Variants in CDKL5 observed in about 807,000 individuals in gnomAD.
CDKL5 encodes cyclin-dependent kinase-like 5.
Under a neutral mutation model 61.7 loss-of-function variants are expected in CDKL5, and 8 were observed. The ratio of observed to expected loss-of-function variants is 0.13; its 90% CI spans 0.08 to 0.23. CDKL5 has a LOEUF of 0.23. CDKL5 is among the 10% of genes least tolerant of loss of function. The pLI is 1.00. For missense variants in CDKL5, 440 were observed against 734.5 expected, an observed-to-expected ratio of 0.60 and a Z score of 4.63; for synonymous variants, 275 against 272.3, an observed-to-expected ratio of 1.01 and a Z score of -0.10.
At chrX:18,509,091 AACACACAC>A (rs34278137) in intron 2 of CDKL5, among the ~76,000 whole-genome samples, 32 of 74,872 alleles carry the variant, frequency 4.3e-4, no homozygotes, top group African/African-American at 1.4e-3. Flanking sequence ...ACTGTCTCAA[AACACACAC>A]ACACACACAC....
At chrX:18,456,474 T>C (rs1210115890) in intron 1 of CDKL5, among the ~76,000 whole-genome samples, 2 of 112,637 alleles carry the variant, frequency 1.8e-5, no homozygotes, top group African/African-American at 6.4e-5. Context: ...CAGTTGAGTA[T>C]ATTATATTCC....
intron 1 of CDKL5, chrX:18,426,396 G>C (rs1333030285): frequency 8.9e-6 from 1 of 112,795 alleles, no homozygotes; most frequent in African/African-American, 3.2e-5. Context: ...CTCCCAGAAC[G>C]AACAGGTCCT....
chrX:18,541,045 A>G (rs1247904292), intron 3 of CDKL5, among the ~76,000 whole-genome samples: 1 of 111,988 alleles, frequency 8.9e-6, no homozygotes, highest in Non-Finnish European at 1.9e-5. Flanking sequence ...CTCTGTGGTT[A>G]CTGATGAGAA....
intron 12 of CDKL5, among the ~76,000 whole-genome samples, chrX:18,605,493 G>A (rs906024910): frequency 9.0e-6 from 1 of 111,429 alleles, no homozygotes; most frequent in African/African-American, 3.3e-5. Flanking sequence ...AAAAGAAGTA[G>A]CATTCCTTCA....
intron 3 of CDKL5, among the ~76,000 whole-genome samples, chrX:18,514,361 C>T (rs1922933246): frequency 1.8e-5 from 2 of 110,890 alleles, no homozygotes; most frequent in South Asian, 7.5e-4. Flanking sequence ...TATGAAAACT[C>T]TTAGCAGTGA....
chrX:18,491,880 C>T (rs1922007731), intron 1 of CDKL5, among the ~76,000 whole-genome samples: 1 of 110,931 alleles, frequency 9.0e-6, no homozygotes, highest in South Asian at 3.8e-4. Flanking sequence ...AATGGGTGTA[C>T]TGTAATTCAT....
At chrX:18,610,042 A>G (rs920771995) in intron 14 of CDKL5, among the ~76,000 whole-genome samples, 1 of 111,877 alleles carries the variant, frequency 8.9e-6, no homozygotes, top group Non-Finnish European at 1.9e-5. Context: ...AAGGGGGGAA[A>G]AAATAGAGCA....
At position 18,501,221 on chromosome X, in the gene CDKL5, T is replaced by G. The variant is rs144436971; in HGVS notation, c.-162-5714T>G. 5.8e-3 allele frequency among the ~76,000 whole-genome samples: 653 copies of G among 111,877 alleles called. 4 individuals carry two copies. Among genetic ancestry groups the G allele is most frequent in the African/African-American group, 0.02 (614 of 30,782 alleles). ...GAGTTTTCACTCTTGTCATCCAGGC[T>G]TAAGTACAATGGCAATATCTCAGCT... is the stretch of plus-strand genomic sequence containing the variant. On this transcript the variant is annotated intron_variant, in intron 1 of 17. Transcript: ENST00000623535.
intron 1 of CDKL5, among the ~76,000 whole-genome samples, chrX:18,432,099 C>CTTTTTT (rs139849633): frequency 2.2e-5 from 2 of 90,266 alleles, no homozygotes; most frequent in Non-Finnish European, 4.4e-5. Context: ...TTCTTTCTTT[C>CTTTTTT]TTTTTTTTTT....
chrX:18,520,169 G>T (rs1303170252), intron 3 of CDKL5, among the ~76,000 whole-genome samples: 1 of 111,898 alleles, frequency 8.9e-6, no homozygotes, highest in Non-Finnish European at 1.9e-5. Flanking sequence ...TCATAATGTT[G>T]TGCAACCACC....
In CDKL5 at chrX:18,631,391, A is replaced by G. The variant is rs190310026; in HGVS notation, c.*2634A>G. On this transcript the variant is annotated 3_prime_UTR_variant, in exon 18 of 18. Transcript: ENST00000623535. Reference sequence around the variant, plus strand: ...AAGCTGTAAGTGAACTACAATCTGCATTTCCAGCATGCAATTCTCTTCCTG... The same window carrying G: ...AAGCTGTAAGTGAACTACAATCTGCGTTTCCAGCATGCAATTCTCTTCCTG... 1.7e-3 allele frequency: 1,268 copies of G among 753,047 alleles called. 1 individual carries two copies. Among genetic ancestry groups the G allele is most frequent in the Non-Finnish European group, 1.9e-3 (1,198 of 639,224 alleles). 62.1% of individuals were successfully genotyped at this position (753,047 alleles called of 1,213,427 possible). A position where few individuals can be genotyped will look rare whatever the true frequency, so the allele number is the denominator to read the frequency against.
At chrX:18,550,004 T>C (rs982594904) in intron 3 of CDKL5, among the ~76,000 whole-genome samples, 1 of 111,438 alleles carries the variant, frequency 9.0e-6, no homozygotes, top group Non-Finnish European at 1.9e-5. Flanking sequence ...GGTAGCTGGG[T>C]TGAGAGCCAG....
chrX:18,640,771 C>T (rs966612203), downstream of CDKL5: 7 of 112,429 alleles, frequency 6.2e-5, no homozygotes, highest in Non-Finnish European at 1.1e-4. Flanking sequence ...AGAGCAGCCT[C>T]GTCCTCTGAT....
intron 3 of CDKL5, among the ~76,000 whole-genome samples, chrX:18,526,738 G>T (rs1364764493): frequency 9.0e-6 from 1 of 110,837 alleles, no homozygotes; most frequent in African/African-American, 3.3e-5. Context: ...CATGGTGGTG[G>T]TGGTATATTA....
chrX:18,526,723 C>G (rs1014378831), intron 3 of CDKL5, among the ~76,000 whole-genome samples: 61 of 110,833 alleles, frequency 5.5e-4, no homozygotes, highest in African/African-American at 1.9e-3. Flanking sequence ...GATTTTTCTA[C>G]TTAGCATGGT....
At chrX:18,580,385 G>A (rs766630714) in intron 6 of CDKL5, among the ~76,000 whole-genome samples, 41 of 111,451 alleles carry the variant, frequency 3.7e-4, no homozygotes, top group African/African-American at 1.1e-3. Flanking sequence ...TATATAGGTG[G>A]TTCCTAAGTC....
intron 9 of CDKL5, among the ~76,000 whole-genome samples, chrX:18,590,573 T>C (rs1455149515): frequency 8.9e-6 from 1 of 112,079 alleles, no homozygotes; most frequent in Admixed American, 9.5e-5. Flanking sequence ...TGCCAGTATC[T>C]TTTTTATCTC....
At chrX:18,575,321 A>G (rs370248163) in intron 4 of CDKL5, 33 bp from the exon 5 acceptor site, 1 of 1,190,151 alleles carries the variant, frequency 8.4e-7, no homozygotes, top group African/African-American at 1.8e-5. Context: ...GAAAGTTTTC[A>G]TTTTAGTCTC....
chrX:18,508,688 T>C (rs1922675809), intron 2 of CDKL5, among the ~76,000 whole-genome samples: 1 of 110,177 alleles, frequency 9.1e-6, no homozygotes, highest in Non-Finnish European at 1.9e-5. Flanking sequence ...CTGTTATATA[T>C]ATATATATAT....
Sources: allele counts gnomAD v4.1 joint callset (sites outside exome capture counted in the v4.1 genomes callset), GRCh38; gene constraint gnomAD v4.1.1; transcripts MANE v1.5; gene names NCBI Gene and HGNC (gene_info 2026-07-23, HGNC 2026-07-21).